DDHD1: variants seen among roughly 807,000 people sequenced by gnomAD.
The protein encoded by DDHD1 is DDHD domain containing 1, also known as phospholipase DDHD1.
A neutral mutation model predicts 96.4 loss-of-function variants in DDHD1; 49 were observed. The observed-to-expected ratio is 0.51, with a 90% CI of 0.40 to 0.64. The LOEUF (loss-of-function observed/expected upper bound fraction) is 0.64. DDHD1 is among the 30% of genes least tolerant of loss of function. The pLI, the probability that DDHD1 is intolerant of heterozygous loss-of-function variation, is 0.00. For missense variants in DDHD1, 1,106 were observed against 1,161.2 expected, an observed-to-expected ratio of 0.95 and a Z score of 0.69; for synonymous variants, 442 against 446.5, an observed-to-expected ratio of 0.99 and a Z score of 0.13.
At chr14:53,085,153 A>G (rs1885832993) in intron 4 of DDHD1, among the ~76,000 whole-genome samples, 1 of 152,190 alleles carries the variant, frequency 6.6e-6, no homozygotes, top group Non-Finnish European at 1.5e-5. Flanking sequence ...CTGCAGCTCA[A>G]TGAGGCCCGC....
rs535096687 is a variant in DDHD1, at chr14:53,066,948, G to C, written c.1504-3743C>G. ...TACCACTGCACTCCTGCCTCCGTAA[G>C]AACCTGTCTCAAAAAAAAAAAAAAA... On this transcript the variant is annotated intron_variant, in intron 6 of 12. Coordinates refer to ENST00000673822, the MANE Select transcript of DDHD1 (RefSeq NM_001160148.2). 3.0e-3 allele frequency among the ~76,000 whole-genome samples: 319 copies of C among 107,208 alleles called. 2 individuals are homozygous for C. The highest frequency in any genetic ancestry group is 9.9e-3 in the African/African-American group (283 of 28,480). The allele number at this position is 107,208 out of a possible 152,430, so 70.3% of individuals were successfully genotyped here. A position where few individuals can be genotyped will look rare whatever the true frequency, so the allele number is the denominator to read the frequency against.
intron 6 of DDHD1, among the ~76,000 whole-genome samples, chr14:53,065,031 A>G (rs920386329): frequency 2.0e-4 from 30 of 152,300 alleles, no homozygotes; most frequent in African/African-American, 6.7e-4. Flanking sequence ...GATTAACAAT[A>G]TATACTGTGA....
chr14:53,152,130 C>CGT, intron 1 of DDHD1, 131 bp downstream of exon 1: 2 of 883,962 alleles, frequency 2.3e-6, no homozygotes, highest in Admixed American at 3.7e-5. Context: ...GCTCAATCTC[C>CGT]ATCCTGCCCC....
intron 1 of DDHD1, among the ~76,000 whole-genome samples, chr14:53,107,235 A>C (rs916476740): frequency 1.5e-4 from 23 of 152,208 alleles, no homozygotes; most frequent in African/African-American, 5.5e-4. Flanking sequence ...CTAATAATAA[A>C]ATCCAACAAT....
intron 8 of DDHD1, among the ~76,000 whole-genome samples, chr14:53,060,140 T>G (rs1883425916): frequency 6.6e-6 from 1 of 152,132 alleles, no homozygotes; most frequent in South Asian, 2.1e-4. Flanking sequence ...AAGAAACACA[T>G]TTCAAGAAGA....
At chr14:53,108,191 G>A (rs1172539610) in intron 1 of DDHD1, among the ~76,000 whole-genome samples, 1 of 152,206 alleles carries the variant, frequency 6.6e-6, no homozygotes. Context: ...GGATCCGGCA[G>A]GGTGTCTGCT....
At chr14:53,055,039 T>C (rs556667397) in intron 10 of DDHD1, among the ~76,000 whole-genome samples, 2 of 152,302 alleles carry the variant, frequency 1.3e-5, no homozygotes, top group East Asian at 1.9e-4. Flanking sequence ...TGTATTAACA[T>C]GAGAAAGTAA....
intron 11 of DDHD1, chr14:53,053,046 C>T (rs1376658234): frequency 2.0e-5 from 3 of 151,676 alleles, no homozygotes; most frequent in Non-Finnish European, 4.4e-5. Flanking sequence ...TTTCATTACC[C>T]TTTTTCTAGG....
intron 1 of DDHD1, among the ~76,000 whole-genome samples, chr14:53,126,923 G>C (rs1411999816): frequency 6.6e-5 from 10 of 152,120 alleles, no homozygotes; most frequent in Non-Finnish European, 7.4e-5. Flanking sequence ...GGATTAACTA[G>C]CTATAAATAA....
chr14:53,053,155 T>C (rs1882752566), intron 11 of DDHD1: 1 of 152,050 alleles, frequency 6.6e-6, no homozygotes, highest in African/African-American at 2.4e-5. Flanking sequence ...ACCATGACTT[T>C]TTACCTGCTA....
intron 2 of DDHD1, among the ~76,000 whole-genome samples, chr14:53,096,855 G>A (rs1196193886): frequency 6.6e-6 from 1 of 151,964 alleles, no homozygotes; most frequent in Non-Finnish European, 1.5e-5. Flanking sequence ...TGAAAAGACT[G>A]TAATAAAATA....
intron 4 of DDHD1, among the ~76,000 whole-genome samples, chr14:53,082,237 GA>G (rs1055219751): frequency 2.0e-5 from 3 of 152,104 alleles, no homozygotes; most frequent in Non-Finnish European, 4.4e-5. Context: ...TGTAAGAAGA[GA>G]AGATAGAGAT....
At chr14:53,136,257 G>C (rs1890237639) in intron 1 of DDHD1, among the ~76,000 whole-genome samples, 1 of 152,168 alleles carries the variant, frequency 6.6e-6, no homozygotes, top group Admixed American at 6.5e-5. Context: ...CTGCACCCAG[G>C]TGAAATAAAC....
chr14:53,113,212 C>T (rs2139763608), intron 1 of DDHD1, among the ~76,000 whole-genome samples: 1 of 152,082 alleles, frequency 6.6e-6, no homozygotes, highest in Non-Finnish European at 1.5e-5. Context: ...AAGTGATCTG[C>T]CTGCTTCGGC....
intron 1 of DDHD1, among the ~76,000 whole-genome samples, chr14:53,146,561 G>C (rs370973150): frequency 5.9e-5 from 9 of 151,578 alleles, no homozygotes; most frequent in African/African-American, 1.7e-4. Context: ...ATGCTAAAAA[G>C]CGTACATAAA....
intron 6 of DDHD1, among the ~76,000 whole-genome samples, chr14:53,070,990 G>T (rs1344935506): frequency 6.6e-6 from 1 of 152,094 alleles, no homozygotes; most frequent in Non-Finnish European, 1.5e-5. Flanking sequence ...TTCAGCATTG[G>T]AGAATTTTAC....
chr14:53,079,527 T>A (rs900747798), intron 4 of DDHD1, among the ~76,000 whole-genome samples: 1 of 152,216 alleles, frequency 6.6e-6, no homozygotes, highest in African/African-American at 2.4e-5. Flanking sequence ...CCATTTAATC[T>A]AGGTTATATA....
rs1403520231 is a variant in DDHD1 at position 53,039,928 on chromosome 14, G to A, written c.*6840C>T. ...CATTTACCTTTTCTTTCCCCTCACAGTCCATACGTACACTGTCCCATCTCA... is the reference window on the plus strand; with the variant it reads ...CATTTACCTTTTCTTTCCCCTCACAATCCATACGTACACTGTCCCATCTCA... On this transcript the variant is annotated 3_prime_UTR_variant, in exon 13 of 13. Transcript: ENST00000673822. 1 of 152,218 alleles carries A rather than the reference G, an allele frequency of 6.6e-6. No individual in the cohort carries two copies. The highest frequency in any genetic ancestry group is 1.5e-5 in the Non-Finnish European group (1 of 68,160). 9.4% of individuals were successfully genotyped at this position (152,218 alleles called of 1,614,324 possible). A position where few individuals can be genotyped will look rare whatever the true frequency, so the allele number is the denominator to read the frequency against.
At chr14:53,139,677 C>A (rs1265831862) in intron 1 of DDHD1, among the ~76,000 whole-genome samples, 1 of 151,970 alleles carries the variant, frequency 6.6e-6, no homozygotes, top group Non-Finnish European at 1.5e-5. Flanking sequence ...CAGAGTGAGA[C>A]CCTGTCTCAA....
Sources: allele counts gnomAD v4.1 joint callset (sites outside exome capture counted in the v4.1 genomes callset), GRCh38; gene constraint gnomAD v4.1.1; transcripts MANE v1.5; gene names NCBI Gene and HGNC (gene_info 2026-07-23, HGNC 2026-07-21).